The following PLEKHA6 variants were observed in gnomAD, a reference collection of about 807,000 sequenced individuals.
PLEKHA6 encodes the protein pleckstrin homology domain containing A6, also known as pleckstrin homology domain-containing family A member 6.
A neutral mutation model predicts 116.7 loss-of-function variants in PLEKHA6; 60 were observed. The observed-to-expected ratio is 0.51, with a 90% CI of 0.42 to 0.64. PLEKHA6 has a LOEUF of 0.64. Among genes scored for constraint, PLEKHA6 ranks in the 30% least tolerant of loss-of-function variants. PLEKHA6 has a pLI of 0.00. For missense variants in PLEKHA6, 1,338 were observed against 1,422.7 expected, an observed-to-expected ratio of 0.94 and a Z score of 0.96; for synonymous variants, 489 against 556.1, an observed-to-expected ratio of 0.88 and a Z score of 1.70.
chr1:204,253,843 A>C (rs1372921076), intron 9 of PLEKHA6, among the ~76,000 whole-genome samples: 13 of 150,624 alleles, frequency 8.6e-5, no homozygotes, highest in South Asian at 2.1e-4. Flanking sequence ...CAAAAAAAAA[A>C]AAAAAAACAA....
chr1:204,313,241 G>T (rs1226855591), intron 1 of PLEKHA6, among the ~76,000 whole-genome samples: 1 of 152,056 alleles, frequency 6.6e-6, no homozygotes, highest in African/African-American at 2.4e-5. Context: ...CCAAAGCTCA[G>T]CTCCAAATCC....
intron 1 of PLEKHA6, among the ~76,000 whole-genome samples, chr1:204,353,789 G>T (rs1673345762): frequency 6.6e-6 from 1 of 152,122 alleles, no homozygotes; most frequent in Non-Finnish European, 1.5e-5. Context: ...GACCTCACTT[G>T]TCATTCAAAC....
At chr1:204,312,632 G>T (rs1671695612) in intron 1 of PLEKHA6, among the ~76,000 whole-genome samples, 2 of 152,158 alleles carry the variant, frequency 1.3e-5, no homozygotes, top group Admixed American at 1.3e-4. Context: ...ATATTTGGCT[G>T]GCTCACCCAG....
In PLEKHA6 at chr1:204,223,302, C is replaced by T. The variant is rs969507708; in HGVS notation, c.*8+160G>A. Among the ~76,000 whole-genome samples, 2 of 151,880 alleles carry T rather than the reference C, an allele frequency of 1.3e-5. No homozygotes were observed. The highest frequency in any genetic ancestry group is 4.8e-5 in the African/African-American group (2 of 41,334). On this transcript the variant is annotated intron_variant, in intron 22 of 22. Transcript: ENST00000272203. This position sits in a 1 kb window ranked among gnomAD's most constrained non-coding sequence, Gnocchi z 4.8. The stretch of plus-strand genomic sequence containing the variant: ...GCACTGCGTGGGGAAGCTGGATGGA[C>T]GGATGGATGGATGAATGGATGGATA...
At chr1:204,256,387 G>A (rs1396434810) in intron 9 of PLEKHA6, among the ~76,000 whole-genome samples, 1 of 152,144 alleles carries the variant, frequency 6.6e-6, no homozygotes, top group Non-Finnish European at 1.5e-5. Context: ...CATATCGCTT[G>A]TATCTCTCCC....
chr1:204,344,328 G>C (rs883950), intron 1 of PLEKHA6, among the ~76,000 whole-genome samples: 98,816 of 152,046 alleles, frequency 0.65, 32,769 homozygotes, highest in East Asian at 0.82. Context: ...GGCCAGGCTT[G>C]GTGGCTCACG....
At chr1:204,349,122 G>A (rs1216276861) in intron 1 of PLEKHA6, among the ~76,000 whole-genome samples, 1 of 152,210 alleles carries the variant, frequency 6.6e-6, no homozygotes, top group Non-Finnish European at 1.5e-5. Context: ...CAGTCCCTGA[G>A]ACAGCAGACA....
intron 21 of PLEKHA6, among the ~76,000 whole-genome samples, 189 bp downstream of exon 21, chr1:204,227,894 C>A (rs1340965669): frequency 6.6e-6 from 1 of 152,164 alleles, no homozygotes; most frequent in Non-Finnish European, 1.5e-5. Context: ...CAACTCTGGC[C>A]CCTTTGCACC....
chr1:204,320,787 A>ATG (rs1004956582), intron 1 of PLEKHA6, among the ~76,000 whole-genome samples: 2 of 152,144 alleles, frequency 1.3e-5, no homozygotes, highest in African/African-American at 4.8e-5. Flanking sequence ...TCTCTAGGGT[A>ATG]TGTGTGTGTA....
chr1:204,301,914 A>C (rs1670862247), intron 1 of PLEKHA6, among the ~76,000 whole-genome samples: 1 of 152,196 alleles, frequency 6.6e-6, no homozygotes, highest in African/African-American at 2.4e-5. Flanking sequence ...TCTAAGGCAC[A>C]GTCGTCCAAG....
chr1:204,234,988 ATATATATATATATATATATATATAT>A (rs1661791289), intron 17 of PLEKHA6, among the ~76,000 whole-genome samples: 8 of 18,694 alleles, frequency 4.3e-4, no homozygotes, highest in African/African-American at 3.3e-3. Context: ...ATATATATAT[ATATATATATATATATATATATATAT>A]CTAATAGCAG....
At chr1:204,232,184 G>A (rs1348536588) in intron 17 of PLEKHA6, among the ~76,000 whole-genome samples, 2 of 152,242 alleles carry the variant, frequency 1.3e-5, no homozygotes, top group Non-Finnish European at 2.9e-5. Context: ...GATGAACTTA[G>A]ATATTTAGCT....
At chr1:204,350,363 G>T (rs1479201270) in intron 1 of PLEKHA6, among the ~76,000 whole-genome samples, 1 of 152,184 alleles carries the variant, frequency 6.6e-6, no homozygotes, top group Non-Finnish European at 1.5e-5. Context: ...TGCTCTTGCA[G>T]ATGTTCCAAC....
chr1:204,219,979 G>A lies in PLEKHA6; in HGVS notation c.*2809C>T, dbSNP rs1220340219. 6.6e-6 allele frequency: 1 copy of A among 152,252 alleles called. No individual in the cohort carries two copies. Among genetic ancestry groups the A allele is most frequent in the African/African-American group, 2.4e-5 (1 of 41,422 alleles). 9.4% of individuals were successfully genotyped at this position (152,252 alleles called of 1,614,324 possible). Reference sequence around the variant, plus strand: ...GAGAGAAAGGTTGCAGAGGGGGGATGTCATAAATGTGACCCAGGCCAGAGA... The same window carrying A: ...GAGAGAAAGGTTGCAGAGGGGGGATATCATAAATGTGACCCAGGCCAGAGA... On this transcript the variant is annotated 3_prime_UTR_variant, in exon 23 of 23. Transcript: ENST00000272203.
intron 1 of PLEKHA6, chr1:204,280,459 T>C (rs1668481820): frequency 1.0e-6 from 1 of 985,110 alleles, no homozygotes; most frequent in South Asian, 4.7e-5. Flanking sequence ...CTCTTGATTA[T>C]CTGCTGTACA....
chr1:204,245,869 CA>C, intron 13 of PLEKHA6, 143 bp from the exon 14 acceptor site: 3 of 596,684 alleles, frequency 5.0e-6, no homozygotes, highest in East Asian at 2.9e-5. Flanking sequence ...CACACACACA[CA>C]CACACACATG....
intron 1 of PLEKHA6, among the ~76,000 whole-genome samples, chr1:204,347,901 C>G (rs555475444): frequency 1.3e-5 from 2 of 152,232 alleles, no homozygotes; most frequent in South Asian, 2.1e-4. Flanking sequence ...TAAATCAGCT[C>G]TTCTTGAAGC....
At position 204,359,674 on chromosome 1, in the gene PLEKHA6, AT is replaced by A; in HGVS notation, c.-95+19del. 1 of 982,492 alleles carries A rather than the reference AT, an allele frequency of 1.0e-6. No individual in the cohort carries two copies. The highest frequency in any genetic ancestry group is 1.2e-6 in the Non-Finnish European group (1 of 827,286). The allele number at this position is 982,492 out of a possible 1,614,324, so 60.9% of individuals were successfully genotyped here. Reference sequence around the variant, plus strand: ...TTCCTCCTCCCACCTCATCTATGTGATGCATGAAAACAGACTCACCGGCTTC... The same window carrying A: ...TTCCTCCTCCCACCTCATCTATGTGAGCATGAAAACAGACTCACCGGCTTC... On this transcript the variant is annotated intron_variant, in intron 1 of 22. Coordinates refer to ENST00000272203, the MANE Select transcript of PLEKHA6 (RefSeq NM_014935.5).
Position 204,223,185 on chromosome 1 carries a change from T to C in PLEKHA6, c.*8+277A>G, listed in dbSNP as rs1288234356. Among the ~76,000 whole-genome samples the C allele has an allele frequency of 6.6e-6, 1 of 151,588 alleles. No individual in the cohort carries two copies. The highest frequency in any genetic ancestry group is 1.5e-5 in the Non-Finnish European group (1 of 67,878). On this transcript the variant is annotated intron_variant, in intron 22 of 22. Transcript: ENST00000272203. The surrounding 1 kb of genome is among the most constrained non-coding windows in gnomAD (Gnocchi z 4.8). ...CTTCCCTGAGAGCAGACAGGTGAGG[T>C]CTCGGCTCCATTCCCTGCCTGCTTC... is the stretch of plus-strand genomic sequence containing the variant.
Sources: allele counts gnomAD v4.1 joint callset (sites outside exome capture counted in the v4.1 genomes callset), GRCh38; gene constraint gnomAD v4.1.1; non-coding constraint Gnocchi (gnomAD v3.1); transcripts MANE v1.5; gene names NCBI Gene and HGNC (gene_info 2026-07-23, HGNC 2026-07-21).